SNRPD2: variants seen among roughly 807,000 people sequenced by gnomAD.
The protein encoded by SNRPD2 is small nuclear ribonucleoprotein Sm D2.
SNRPD2 carries 1 observed loss-of-function variant against 11.5 expected under a neutral mutation model. The observed-to-expected ratio is 0.09, with a 90% CI of 0.03 to 0.41. SNRPD2 has a LOEUF of 0.41. Among genes scored for constraint, SNRPD2 ranks in the 10% least tolerant of loss-of-function variants. SNRPD2 has a pLI of 0.98. For missense variants in SNRPD2, 77 were observed against 154.9 expected (o/e 0.50, Z 2.67); for synonymous variants, 63 against 61.5 (o/e 1.02, Z -0.12).
In SNRPD2 at chr19:45,688,322, T is replaced by G; in HGVS notation, c.182+65A>C. On this transcript the variant is annotated intron_variant, in intron 2 of 2. Coordinates refer to ENST00000342669, the MANE Select transcript of SNRPD2 (RefSeq NM_001384647.1). The surrounding 1 kb of genome is among the most constrained non-coding windows in gnomAD (Gnocchi z 4.1). ...TCTGAGACAGCTGTCTTTGAGCTCT[T>G]CAGACTGGAGCTGGAGTGGCCTCTC... The G allele has an allele frequency of 7.0e-7, 1 of 1,427,628 alleles. No homozygotes were observed. The highest frequency in any genetic ancestry group is 1.2e-5 in the South Asian group (1 of 84,022). The allele number at this position is 1,427,628 out of a possible 1,614,324, so 88.4% of individuals were successfully genotyped here.
At chr19:45,691,609 C>T in intron 1 of SNRPD2, 1 of 464,254 alleles carries the variant, frequency 2.2e-6, no homozygotes, top group Non-Finnish European at 3.9e-6. Flanking sequence ...TGTGTTCCAG[C>T]GATGCTCCGC....
Position 45,688,093 on chromosome 19 carries a change from T to A in SNRPD2, c.182+294A>T, listed in dbSNP as rs1367642731. On this transcript the variant is annotated intron_variant, in intron 2 of 2. Transcript: ENST00000342669. The surrounding 1 kb of genome is among the most constrained non-coding windows in gnomAD (Gnocchi z 4.1). ...CCTCCGCCTCCTGGGTTCAGGCTAT[T>A]CTTGTGCCTCGGCCACCTGAGTAGC... is the stretch of plus-strand genomic sequence containing the variant. Among the ~76,000 whole-genome samples, 1 of 152,196 alleles carries A rather than the reference T, an allele frequency of 6.6e-6. No homozygotes were observed. The highest frequency in any genetic ancestry group is 1.9e-4 in the East Asian group (1 of 5,194).
chr19:45,688,683 A>G lies in SNRPD2; in HGVS notation c.3-117T>C. The G allele has an allele frequency of 1.4e-6, 1 of 739,700 alleles. No individual in the cohort carries two copies. Among genetic ancestry groups the G allele is most frequent in the East Asian group, 2.4e-5 (1 of 40,820 alleles). The allele number at this position is 739,700 out of a possible 1,614,324, so 45.8% of individuals were successfully genotyped here. On this transcript the variant is annotated intron_variant, in intron 1 of 2. Coordinates refer to ENST00000342669, the MANE Select transcript of SNRPD2 (RefSeq NM_001384647.1). The surrounding 1 kb of genome is among the most constrained non-coding windows in gnomAD (Gnocchi z 4.1). Reference sequence around the variant, plus strand: ...TGTCTCCCCAACCTTGTCCCACCACATCTGTCCTCCTGTTCAGCCTTCTGA... The same window carrying G: ...TGTCTCCCCAACCTTGTCCCACCACGTCTGTCCTCCTGTTCAGCCTTCTGA...
intron 1 of SNRPD2, among the ~76,000 whole-genome samples, chr19:45,689,832 C>T (rs942838655): frequency 4.8e-4 from 71 of 148,364 alleles, no homozygotes; most frequent in African/African-American, 1.5e-3. Flanking sequence ...CTCAGGAGTT[C>T]GAGACCACCC....
chr19:45,691,767 G>A, intron 1 of SNRPD2, 120 bp downstream of exon 1: 2 of 1,239,094 alleles, frequency 1.6e-6, no homozygotes, highest in Non-Finnish European at 2.4e-6. Context: ...AAAGCAGGAC[G>A]CTGCATCCCT....
chr19:45,689,440 G>T (rs1249852499), intron 1 of SNRPD2: 3 of 334,254 alleles, frequency 9.0e-6, no homozygotes, highest in South Asian at 4.7e-5. Flanking sequence ...GGTCAAGGTG[G>T]ATTGATCACT....
chr19:45,689,540 A>T (rs990089509), intron 1 of SNRPD2, among the ~76,000 whole-genome samples: 5 of 151,782 alleles, frequency 3.3e-5, no homozygotes, highest in Admixed American at 6.6e-5. Context: ...AAACAACAAT[A>T]AAAAAAACAA....
In SNRPD2 at chr19:45,688,596, G is replaced by A; in HGVS notation, c.3-30C>T. ...ATGGACAAACATGGAACCAATAAGT[G>A]AGAGAGGCTGGAGTTGAGAGGCTGG... On this transcript the variant is annotated intron_variant, in intron 1 of 2. Transcript: ENST00000342669. The surrounding 1 kb of genome is among the most constrained non-coding windows in gnomAD (Gnocchi z 4.1). The A allele has an allele frequency of 6.3e-7, 1 of 1,587,906 alleles. No individual in the cohort carries two copies. Among genetic ancestry groups the A allele is most frequent in the Non-Finnish European group, 8.6e-7 (1 of 1,156,360 alleles).
At chr19:45,689,552 C>G (rs1568534276) in intron 1 of SNRPD2, among the ~76,000 whole-genome samples, 1 of 151,826 alleles carries the variant, frequency 6.6e-6, no homozygotes, top group Non-Finnish European at 1.5e-5. Context: ...AAAAAACAAC[C>G]AACAGAAAAT....
Sources: gnomAD v4.1 joint callset for allele counts (sites outside exome capture counted in the v4.1 genomes callset) on GRCh38, gnomAD v4.1.1 for gene constraint, Gnocchi (gnomAD v3.1) non-coding constraint, MANE v1.5 for transcripts, NCBI Gene and HGNC (gene_info 2026-07-23, HGNC 2026-07-21) for gene names.